PTPRN2: variants seen among roughly 807,000 people sequenced by gnomAD.
The protein encoded by PTPRN2 is protein tyrosine phosphatase receptor type N2.
PTPRN2 carries 74 observed loss-of-function variants against 118.8 expected under a neutral mutation model. The ratio of observed to expected loss-of-function variants is 0.62; its 90% CI spans 0.52 to 0.76. The LOEUF (loss-of-function observed/expected upper bound fraction) is 0.76, where lower values mean the gene tolerates loss of function less well. Among genes scored for constraint, PTPRN2 ranks in the 30% least tolerant of loss-of-function variants. PTPRN2 has a pLI of 0.00. For synonymous variants in PTPRN2, 641 were observed against 608.0 expected, an observed-to-expected ratio of 1.05 and a Z score of -0.80; for missense variants, 1,481 against 1,394.4, an observed-to-expected ratio of 1.06 and a Z score of -0.99.
intron 2 of PTPRN2, among the ~76,000 whole-genome samples, chr7:158,469,121 G>GCACACTCACACACAC (rs1234125053): frequency 2.8e-5 from 2 of 70,332 alleles, no homozygotes; most frequent in African/African-American, 4.6e-5. Context: ...GATCAACAGT[G>GCACACTCACACACAC]TCAGGCTTTC....
At chr7:158,048,657 A>G (rs1809060811) in intron 11 of PTPRN2, among the ~76,000 whole-genome samples, 1 of 28,516 alleles carries the variant, frequency 3.5e-5, no homozygotes, top group Non-Finnish European at 7.9e-5. Context: ...TCATATCACC[A>G]TCACCATCAT....
At chr7:157,754,762 G>A (rs984951242) in intron 12 of PTPRN2, among the ~76,000 whole-genome samples, 2 of 152,234 alleles carry the variant, frequency 1.3e-5, no homozygotes, top group Non-Finnish European at 2.9e-5. Flanking sequence ...GGGATGCCAC[G>A]TCAAGTTGGT....
Position 157,539,326 on chromosome 7 carries a change from C to T in PTPRN2, c.*1388G>A, listed in dbSNP as rs911235647. The T allele has an allele frequency of 1.8e-4, 28 of 152,146 alleles. No individual in the cohort carries two copies. The highest frequency in any genetic ancestry group is 1.8e-3 in the Admixed American group (28 of 15,278). 9.4% of individuals were successfully genotyped at this position (152,146 alleles called of 1,614,324 possible). ...TTCTGTCCGCTCAGTAGGCCGTGTTCCCTCTGGTAGGGCCTTTGGAGAGTA... is the reference window on the plus strand; with the variant it reads ...TTCTGTCCGCTCAGTAGGCCGTGTTTCCTCTGGTAGGGCCTTTGGAGAGTA... On this transcript the variant is annotated 3_prime_UTR_variant, in exon 23 of 23. Coordinates refer to ENST00000389418, the MANE Select transcript of PTPRN2 (RefSeq NM_002847.5).
intron 3 of PTPRN2, among the ~76,000 whole-genome samples, chr7:158,241,952 A>G (rs1795926686): frequency 1.3e-5 from 2 of 152,236 alleles, no homozygotes; most frequent in Non-Finnish European, 2.9e-5. Context: ...ATTTCTAGAC[A>G]GCACAGTCGC....
intron 4 of PTPRN2, among the ~76,000 whole-genome samples, chr7:158,198,562 C>T (rs1019142344): frequency 1.3e-5 from 2 of 152,310 alleles, no homozygotes; most frequent in Admixed American, 6.5e-5. Context: ...GTGAAGTCAT[C>T]GGTGCTCATA....
intron 12 of PTPRN2, among the ~76,000 whole-genome samples, chr7:157,827,350 G>A (rs1807242641): frequency 7.8e-6 from 1 of 128,500 alleles, no homozygotes; most frequent in African/African-American, 2.7e-5. Flanking sequence ...TATGGATGAA[G>A]GAAGCCAGAG....
At position 157,584,655 on chromosome 7, in the gene PTPRN2, C is replaced by G. The variant is rs140950713; in HGVS notation, c.2497-6515G>C. On this transcript the variant is annotated intron_variant, in intron 17 of 22. Transcript: ENST00000389418. The stretch of plus-strand genomic sequence containing the variant: ...TCTGCTCATTTCTGTTGTGAGCGTC[C>G]TCTCGTGGGCTGAACAGAGGTTTAG... Among the ~76,000 whole-genome samples, 400 of 152,352 alleles carry G rather than the reference C, an allele frequency of 2.6e-3. 3 individuals carry two copies. The highest frequency in any genetic ancestry group is 9.1e-3 in the African/African-American group (380 of 41,580).
At chr7:157,745,193 T>C (rs956662836) in intron 12 of PTPRN2, among the ~76,000 whole-genome samples, 4 of 152,106 alleles carry the variant, frequency 2.6e-5, no homozygotes, top group African/African-American at 9.7e-5. Context: ...GCTCGTACAG[T>C]CAGCAACGGT....
In PTPRN2 at chr7:157,887,759, G is replaced by A. The variant is rs149007298; in HGVS notation, c.1788+10914C>T. On this transcript the variant is annotated intron_variant, in intron 12 of 22. Coordinates refer to ENST00000389418, the MANE Select transcript of PTPRN2 (RefSeq NM_002847.5). ...CACCATACCCACTCCCCCAGTGCCT[G>A]CTCCCCCAGTACCTGCTCCCCCAGT... Among the ~76,000 whole-genome samples the A allele has an allele frequency of 2.1e-3, 36 of 17,098 alleles. 1 individual carries two copies. Among genetic ancestry groups the A allele is most frequent in the African/African-American group, 0.011 (35 of 3,258 alleles). The allele number at this position is 17,098 out of a possible 152,430, so 11.2% of individuals were successfully genotyped here.
chr7:158,523,778 A>AGTC (rs764047055), intron 1 of PTPRN2, among the ~76,000 whole-genome samples: 777 of 27,202 alleles, frequency 0.029, 9 homozygotes, highest in East Asian at 0.045. Context: ...CCTGGAGTGG[A>AGTC]GTCTGCCCTG....
chr7:157,542,348 G>C (rs1331671803), intron 22 of PTPRN2, among the ~76,000 whole-genome samples: 1 of 152,142 alleles, frequency 6.6e-6, no homozygotes, highest in Admixed American at 6.5e-5. Context: ...ATTAAGCGTG[G>C]CTTTTTGGGA....
intron 5 of PTPRN2, among the ~76,000 whole-genome samples, chr7:158,191,836 C>T (rs190440716): frequency 3.5e-4 from 53 of 152,192 alleles, no homozygotes; most frequent in Non-Finnish European, 5.1e-4. Flanking sequence ...GGAGCCCTTA[C>T]GCTGCCCTGG....
intron 11 of PTPRN2, among the ~76,000 whole-genome samples, chr7:158,076,938 C>G (rs1812407750): frequency 6.6e-6 from 1 of 152,252 alleles, no homozygotes. Context: ...CGGAGCGGAC[C>G]AGACTGTGAA....
rs1823446487 is a variant in PTPRN2 at position 158,515,158 on chromosome 7, CCAGCTGGTGTTT to C, written c.113-25385_113-25374del. On this transcript the variant is annotated intron_variant, in intron 1 of 22. Coordinates refer to ENST00000389418, the MANE Select transcript of PTPRN2 (RefSeq NM_002847.5). ...CGGGCACACAAAGCGGCCGCGTGCACCAGCTGGTGTTTCCCTCTCAGTGAGTGTATTTTTTTT... is the reference window on the plus strand; with the variant it reads ...CGGGCACACAAAGCGGCCGCGTGCACCCCTCTCAGTGAGTGTATTTTTTTT... 3.3e-5 allele frequency among the ~76,000 whole-genome samples: 5 copies of C among 151,808 alleles called. No individual in the cohort carries two copies. In the South Asian group the frequency reaches 1.0e-3, roughly 32 times the overall value.
chr7:158,365,836 G>GCATACACA (rs1554480254), intron 2 of PTPRN2, among the ~76,000 whole-genome samples: 1 of 14,740 alleles, frequency 6.8e-5, no homozygotes, highest in Non-Finnish European at 3.7e-4. Flanking sequence ...GTGCATGCGT[G>GCATACACA]CACACACACA....
At position 157,881,759 on chromosome 7, in the gene PTPRN2, G is replaced by T. The variant is rs944098326; in HGVS notation, c.1788+16914C>A. On this transcript the variant is annotated intron_variant, in intron 12 of 22. Coordinates refer to ENST00000389418, the MANE Select transcript of PTPRN2 (RefSeq NM_002847.5). The surrounding 1 kb of genome is among the most constrained non-coding windows in gnomAD (Gnocchi z 4.7). Reference sequence around the variant, plus strand: ...TGATCTCATTAAAAAAAAAAAAATAGATTGGCACTTCAGTAAAAGGGTTTG... The same window carrying T: ...TGATCTCATTAAAAAAAAAAAAATATATTGGCACTTCAGTAAAAGGGTTTG... Among the ~76,000 whole-genome samples the T allele has an allele frequency of 6.6e-6, 1 of 150,972 alleles. No individual in the cohort carries two copies. Among genetic ancestry groups the T allele is most frequent in the African/African-American group, 2.4e-5 (1 of 40,908 alleles).
At chr7:158,217,617 C>T (rs1388250440) in intron 3 of PTPRN2, among the ~76,000 whole-genome samples, 22 of 152,066 alleles carry the variant, frequency 1.4e-4, no homozygotes, top group Admixed American at 1.4e-3. Flanking sequence ...ACTGAAATGA[C>T]TGAAATGACA....
intron 2 of PTPRN2, among the ~76,000 whole-genome samples, chr7:158,419,683 G>T (rs563571159): frequency 1.3e-5 from 2 of 152,066 alleles, no homozygotes; most frequent in Non-Finnish European, 2.9e-5. Flanking sequence ...GAAGAGAGTC[G>T]AATTCACAAG....
intron 1 of PTPRN2, among the ~76,000 whole-genome samples, chr7:158,520,871 T>C (rs1313254377): frequency 6.6e-6 from 1 of 152,080 alleles, no homozygotes; most frequent in African/African-American, 2.4e-5. Flanking sequence ...TTCACTCTCA[T>C]GAGGGTGCAG....
Sources: allele counts gnomAD v4.1 joint callset (sites outside exome capture counted in the v4.1 genomes callset), GRCh38; gene constraint gnomAD v4.1.1; non-coding constraint Gnocchi (gnomAD v3.1); transcripts MANE v1.5; gene names NCBI Gene and HGNC (gene_info 2026-07-23, HGNC 2026-07-21).